Variants in NSMCE2 observed in about 807,000 individuals in gnomAD.
NSMCE2 encodes NSE2 SUMO ligase component of SMC5/6 complex, also known as E3 SUMO-protein ligase NSE2.
A neutral mutation model predicts 23.8 loss-of-function variants in NSMCE2; 24 were observed. The ratio of observed to expected loss-of-function variants is 1.01; its 90% CI spans 0.73 to 1.42. NSMCE2 has a LOEUF of 1.42. NSMCE2 is among the 40% of genes most tolerant of loss of function. NSMCE2 has a pLI of 0.00. For missense variants in NSMCE2, 284 were observed against 296.5 expected (o/e 0.96, Z 0.31); for synonymous variants, 92 against 94.1 (o/e 0.98, Z 0.13).
intron 3 of NSMCE2, among the ~76,000 whole-genome samples, chr8:125,105,852 T>G (rs1410635674): frequency 6.6e-6 from 1 of 152,232 alleles, no homozygotes; most frequent in East Asian, 1.9e-4. Flanking sequence ...GATGTATTTA[T>G]TTTTTAATAT....
In NSMCE2 at chr8:125,093,564, A is replaced by G. The variant is rs192425179; in HGVS notation, c.-111+1606A>G. ...AATAAATAAATAAATAAATAAGTAA[A>G]TAAATAACATAATTGGTGTGTCCTG... On this transcript the variant is annotated intron_variant, in intron 1 of 7. Coordinates refer to ENST00000287437, the MANE Select transcript of NSMCE2 (RefSeq NM_173685.4). 7.8e-4 allele frequency among the ~76,000 whole-genome samples: 117 copies of G among 150,418 alleles called. 1 individual carries two copies. Among genetic ancestry groups the G allele is most frequent in the Admixed American group, 2.9e-3 (44 of 15,216 alleles).
chr8:125,197,950 G>T (rs1823697604), intron 5 of NSMCE2, among the ~76,000 whole-genome samples: 1 of 152,094 alleles, frequency 6.6e-6, no homozygotes, highest in African/African-American at 2.4e-5. Flanking sequence ...TCTTTTTGTA[G>T]CAATTGTGAA....
rs569912547 is a variant in NSMCE2 at position 125,366,583 on chromosome 8, C to G, written c.627-185C>G. Among the ~76,000 whole-genome samples the G allele has an allele frequency of 4.6e-5, 7 of 152,212 alleles. No individual in the cohort carries two copies. In the South Asian group the frequency reaches 1.2e-3, roughly 27 times the overall value. On this transcript the variant is annotated intron_variant, in intron 7 of 7. Coordinates refer to ENST00000287437, the MANE Select transcript of NSMCE2 (RefSeq NM_173685.4). ...GCACTACTCACATATCGCTTGTGTCCCCAGCACCCAGACAGGGCCTGGCTC... is the reference window on the plus strand; with the variant it reads ...GCACTACTCACATATCGCTTGTGTCGCCAGCACCCAGACAGGGCCTGGCTC...
At chr8:125,309,817 G>A (rs1297538361) in intron 5 of NSMCE2, among the ~76,000 whole-genome samples, 3 of 152,224 alleles carry the variant, frequency 2.0e-5, no homozygotes, top group Non-Finnish European at 4.4e-5. Flanking sequence ...AGTAGCTTCA[G>A]TAGGTCTGAA....
At chr8:125,152,479 C>T (rs565532168) in intron 4 of NSMCE2, among the ~76,000 whole-genome samples, 1 of 152,172 alleles carries the variant, frequency 6.6e-6, no homozygotes, top group East Asian at 1.9e-4. Flanking sequence ...GTGAAAACCA[C>T]TGACTTAAAA....
chr8:125,108,862 T>C (rs1490916930), intron 3 of NSMCE2, among the ~76,000 whole-genome samples: 1 of 152,232 alleles, frequency 6.6e-6, no homozygotes, highest in Non-Finnish European at 1.5e-5. Flanking sequence ...ATATACTTGT[T>C]ATTCAATCAT....
intron 7 of NSMCE2, among the ~76,000 whole-genome samples, chr8:125,358,513 C>T (rs185740160): frequency 0.013 from 1,911 of 151,326 alleles, 14 homozygotes; most frequent in Middle Eastern, 0.017. Flanking sequence ...CACACACACA[C>T]ATATATATAT....
intron 3 of NSMCE2, among the ~76,000 whole-genome samples, chr8:125,116,976 C>A (rs1819037395): frequency 6.6e-6 from 1 of 151,526 alleles, no homozygotes; most frequent in African/African-American, 2.4e-5. Context: ...CAACCTCCAC[C>A]TCCTGGGTTC....
chr8:125,283,900 T>C (rs943258831), intron 5 of NSMCE2, among the ~76,000 whole-genome samples: 2 of 152,140 alleles, frequency 1.3e-5, no homozygotes, highest in African/African-American at 2.4e-5. Context: ...ACGCCTGTAA[T>C]CCCAGCATTT....
At chr8:125,164,001 A>G (rs1279998014) in intron 4 of NSMCE2, among the ~76,000 whole-genome samples, 1 of 152,274 alleles carries the variant, frequency 6.6e-6, no homozygotes, top group Non-Finnish European at 1.5e-5. Context: ...GCCTTAGCCC[A>G]GGTCTGGATA....
At chr8:125,332,123 G>T (rs952513648) in intron 5 of NSMCE2, among the ~76,000 whole-genome samples, 1 of 152,274 alleles carries the variant, frequency 6.6e-6, no homozygotes, top group Non-Finnish European at 1.5e-5. Flanking sequence ...AACAGGAGTT[G>T]TACTCTAAAT....
At chr8:125,296,719 C>CT (rs1340818102) in intron 5 of NSMCE2, among the ~76,000 whole-genome samples, 1 of 152,096 alleles carries the variant, frequency 6.6e-6, no homozygotes, top group Non-Finnish European at 1.5e-5. Context: ...TTTAAGAAAG[C>CT]TTTTAACATT....
chr8:125,135,480 T>C (rs1161476724), intron 3 of NSMCE2, among the ~76,000 whole-genome samples: 1 of 152,208 alleles, frequency 6.6e-6, no homozygotes, highest in East Asian at 1.9e-4. Flanking sequence ...TCCCAAAGAT[T>C]TTCTTCTGTA....
intron 5 of NSMCE2, among the ~76,000 whole-genome samples, chr8:125,211,739 C>G (rs1446066184): frequency 6.6e-6 from 1 of 152,222 alleles, no homozygotes; most frequent in Non-Finnish European, 1.5e-5. Flanking sequence ...CACTTGCCAA[C>G]TCAGTAGGTT....
intron 5 of NSMCE2, among the ~76,000 whole-genome samples, chr8:125,322,315 T>A (rs946716443): frequency 6.6e-6 from 1 of 152,090 alleles, no homozygotes; most frequent in Non-Finnish European, 1.5e-5. Context: ...TGACAGTGAG[T>A]TATCATTGTG....
intron 5 of NSMCE2, among the ~76,000 whole-genome samples, chr8:125,330,157 G>A: frequency 6.8e-6 from 1 of 147,908 alleles, no homozygotes. Context: ...GGGAAAAACA[G>A]AACTAACTTT....
intron 5 of NSMCE2, among the ~76,000 whole-genome samples, chr8:125,302,066 GT>G (rs1828588052): frequency 6.6e-6 from 1 of 151,776 alleles, no homozygotes; most frequent in South Asian, 2.1e-4. Flanking sequence ...TCATGTGATT[GT>G]CATGCCTCAG....
At position 125,242,975 on chromosome 8, in the gene NSMCE2, AT is replaced by A. The variant is rs930381311; in HGVS notation, c.418+60724del. The stretch of plus-strand genomic sequence containing the variant: ...AAAGTTTATATCAAAAACCCACAAC[AT>A]TTTTGATAGAACACTCACAATTCTC... On this transcript the variant is annotated intron_variant, in intron 5 of 7. Coordinates refer to ENST00000287437, the MANE Select transcript of NSMCE2 (RefSeq NM_173685.4). Among the ~76,000 whole-genome samples, 15 of 152,106 alleles carry A rather than the reference AT, an allele frequency of 9.9e-5. No homozygotes were observed. The East Asian group carries it at 2.9e-3, about 29-fold the overall frequency.
At chr8:125,249,159 A>C (rs950768163) in intron 5 of NSMCE2, among the ~76,000 whole-genome samples, 2 of 151,230 alleles carry the variant, frequency 1.3e-5, no homozygotes, top group African/African-American at 4.9e-5. Context: ...TGACGGAGCA[A>C]GACTCTGTCT....
Sources: allele counts gnomAD v4.1 joint callset (sites outside exome capture counted in the v4.1 genomes callset), GRCh38; gene constraint gnomAD v4.1.1; transcripts MANE v1.5; gene names NCBI Gene and HGNC (gene_info 2026-07-23, HGNC 2026-07-21).